The following SH3BGRL2 variants were observed in gnomAD, a reference collection of about 807,000 sequenced individuals.
SH3BGRL2 encodes the protein SH3 domain binding glutamate rich protein like 2, also known as SH3 domain-binding glutamic acid-rich-like protein 2.
SH3BGRL2 carries 21 observed loss-of-function variants against 14.8 expected under a neutral mutation model. That is an observed-to-expected ratio of 1.42 (90% CI 1.01 to 2.05). The LOEUF is 2.05. Ranked by LOEUF, SH3BGRL2 falls within the 30% of genes most tolerant of loss-of-function variation. The pLI, the probability that SH3BGRL2 is intolerant of heterozygous loss-of-function variation, is 0.00. For missense variants in SH3BGRL2, 147 were observed against 130.8 expected (o/e 1.12, Z -0.61); for synonymous variants, 50 against 47.8 (o/e 1.05, Z -0.19).
At chr6:79,558,766 T>C in the SH3BGRL2 span, among the ~76,000 whole-genome samples, 4 of 151,980 alleles carry the variant, frequency 2.6e-5, no homozygotes, top group African/African-American at 9.7e-5. Flanking sequence ...TACCTAGTGC[T>C]CAAATGTTGG....
the SH3BGRL2 span, among the ~76,000 whole-genome samples, chr6:79,580,511 T>C: frequency 6.6e-6 from 1 of 152,148 alleles, no homozygotes; most frequent in Non-Finnish European, 1.5e-5. Context: ...CACAACTACA[T>C]AGAATCTGAA....
intron 1 of SH3BGRL2, among the ~76,000 whole-genome samples, chr6:79,653,236 C>T (rs377134330): frequency 4.6e-5 from 7 of 152,080 alleles, no homozygotes; most frequent in South Asian, 2.1e-4. Context: ...GAGAAAACAT[C>T]GATCCACGTT....
chr6:79,609,473 G>A, the SH3BGRL2 span, among the ~76,000 whole-genome samples: 3 of 152,172 alleles, frequency 2.0e-5, no homozygotes, highest in East Asian at 1.9e-4. Context: ...GCTGACAGGG[G>A]ACTCTCTCAA....
chr6:79,663,535 A>C (rs1769596122), intron 1 of SH3BGRL2, among the ~76,000 whole-genome samples: 1 of 152,114 alleles, frequency 6.6e-6, no homozygotes, highest in South Asian at 2.1e-4. Flanking sequence ...CTTCCTCTGG[A>C]AGCGTCGTCC....
chr6:79,591,872 AC>A, the SH3BGRL2 span, among the ~76,000 whole-genome samples: 1 of 152,330 alleles, frequency 6.6e-6, no homozygotes, highest in African/African-American at 2.4e-5. Context: ...CCCTGCTGAT[AC>A]CTGTCTAATC....
chr6:79,545,764 T>C, the SH3BGRL2 span, among the ~76,000 whole-genome samples: 2 of 152,202 alleles, frequency 1.3e-5, no homozygotes, highest in Non-Finnish European at 2.9e-5. Context: ...AATTATTAAA[T>C]AACATTGACT....
At chr6:79,617,166 C>G in the SH3BGRL2 span, among the ~76,000 whole-genome samples, 5 of 144,066 alleles carry the variant, frequency 3.5e-5, no homozygotes, top group Admixed American at 2.1e-4. Flanking sequence ...GCCTTGGCAA[C>G]AAGAGCAAAA....
chr6:79,628,623 C>T (rs1407666431), upstream of SH3BGRL2, among the ~76,000 whole-genome samples: 6 of 152,148 alleles, frequency 3.9e-5, no homozygotes, highest in African/African-American at 1.2e-4. Context: ...ATTCTGCTCT[C>T]AGGTACTCTT....
intron 3 of SH3BGRL2, among the ~76,000 whole-genome samples, chr6:79,697,687 G>C (rs989080335): frequency 2.0e-5 from 3 of 152,116 alleles, no homozygotes; most frequent in Admixed American, 6.6e-5. Flanking sequence ...CGTATTTAAA[G>C]GTTCTTAAAA....
chr6:79,682,075 G>A (rs552423534), intron 2 of SH3BGRL2, among the ~76,000 whole-genome samples: 7 of 151,710 alleles, frequency 4.6e-5, no homozygotes, highest in Non-Finnish European at 8.8e-5. Flanking sequence ...CTTCAACTAC[G>A]GTCTGACAAA....
At position 79,631,419 on chromosome 6, in the gene SH3BGRL2, G is replaced by T; in HGVS notation, c.-43G>T. On this transcript the variant is annotated 5_prime_UTR_variant, in exon 1 of 4. Coordinates refer to ENST00000369838, the MANE Select transcript of SH3BGRL2 (RefSeq NM_031469.4). ...TTCAGCTCTGCGTCCACGCCAGCCC[G>T]GAGCCCGGGGGGCAAGGGGTCTGTC... 1 of 1,495,250 alleles carries T rather than the reference G, an allele frequency of 6.7e-7. No homozygotes were observed. The highest frequency in any genetic ancestry group is 8.9e-7 in the Non-Finnish European group (1 of 1,120,178). The allele number at this position is 1,495,250 out of a possible 1,614,324, so 92.6% of individuals were successfully genotyped here.
At chr6:79,673,850 A>G (rs1230847969) in intron 2 of SH3BGRL2, 51 bp downstream of exon 2, 2 of 1,563,308 alleles carry the variant, frequency 1.3e-6, no homozygotes, top group Non-Finnish European at 1.7e-6. Flanking sequence ...TTCAGAACAC[A>G]TGCCACCTAG....
chr6:79,620,608 C>T, the SH3BGRL2 span, among the ~76,000 whole-genome samples: 12 of 151,070 alleles, frequency 7.9e-5, no homozygotes, highest in Non-Finnish European at 1.5e-5. Context: ...GATAATTTCC[C>T]AGCCTGAAAA....
chr6:79,649,120 A>G (rs967588908), intron 1 of SH3BGRL2, among the ~76,000 whole-genome samples: 9 of 152,216 alleles, frequency 5.9e-5, no homozygotes, highest in African/African-American at 1.9e-4. Flanking sequence ...GAGGGAAGTC[A>G]TAATGGGAAG....
the SH3BGRL2 span, among the ~76,000 whole-genome samples, chr6:79,614,591 G>A: frequency 2.0e-5 from 3 of 152,280 alleles, no homozygotes; most frequent in South Asian, 6.2e-4. Context: ...CATGACAGAT[G>A]TAGAATCATT....
At chr6:79,595,483 T>G in the SH3BGRL2 span, among the ~76,000 whole-genome samples, 1 of 152,178 alleles carries the variant, frequency 6.6e-6, no homozygotes, top group Non-Finnish European at 1.5e-5. Flanking sequence ...TTAATAGTAT[T>G]TCAGAGAAGA....
the SH3BGRL2 span, among the ~76,000 whole-genome samples, chr6:79,572,393 A>G: frequency 6.6e-6 from 1 of 152,188 alleles, no homozygotes; most frequent in Non-Finnish European, 1.5e-5. Flanking sequence ...AACTCTTGGT[A>G]TCATGAGATT....
At chr6:79,643,339 T>C (rs1349751872) in intron 1 of SH3BGRL2, among the ~76,000 whole-genome samples, 4 of 152,244 alleles carry the variant, frequency 2.6e-5, no homozygotes, top group Admixed American at 1.3e-4. Context: ...ACCTGGGTTG[T>C]GCTATCGCAA....
the SH3BGRL2 span, among the ~76,000 whole-genome samples, chr6:79,604,214 C>T: frequency 6.6e-6 from 1 of 152,204 alleles, no homozygotes; most frequent in Non-Finnish European, 1.5e-5. Flanking sequence ...ATCCTGCAGG[C>T]ACCTCAAAAT....
Sources: gnomAD v4.1 joint callset for allele counts (sites outside exome capture counted in the v4.1 genomes callset) on GRCh38, gnomAD v4.1.1 for gene constraint, MANE v1.5 for transcripts, NCBI Gene and HGNC (gene_info 2026-07-23, HGNC 2026-07-21) for gene names.